Variants in ABI1 observed in about 807,000 individuals in gnomAD.
ABI1 encodes the protein Abelson interactor 1.
Under a neutral mutation model 54.6 loss-of-function variants are expected in ABI1, and 14 were observed. The ratio of observed to expected loss-of-function variants is 0.26; its 90% CI spans 0.17 to 0.40. The LOEUF (loss-of-function observed/expected upper bound fraction) is 0.40. ABI1 is among the 10% of genes least tolerant of loss of function. The pLI is 1.00. For missense variants in ABI1, 443 were observed against 598.3 expected (o/e 0.74, Z 2.71); for synonymous variants, 194 against 209.3 (o/e 0.93, Z 0.63).
chr10:26,794,722 TTTA>T (rs1371857395), intron 2 of ABI1, among the ~76,000 whole-genome samples: 2 of 152,092 alleles, frequency 1.3e-5, no homozygotes, highest in African/African-American at 4.8e-5. Context: ...ATGTTAGCTT[TTTA>T]TTATTATTAT....
chr10:26,850,325 T>C (rs977203142), intron 1 of ABI1, among the ~76,000 whole-genome samples: 2 of 152,236 alleles, frequency 1.3e-5, no homozygotes, highest in African/African-American at 2.4e-5. Flanking sequence ...TGCTCAGTTT[T>C]AGTTTTAGTA....
At chr10:26,819,628 C>T (rs2047834042) in intron 2 of ABI1, among the ~76,000 whole-genome samples, 1 of 152,134 alleles carries the variant, frequency 6.6e-6, no homozygotes, top group Admixed American at 6.5e-5. Flanking sequence ...ACACATTCTT[C>T]TCAAATGCAC....
At chr10:26,771,157 A>G (rs1457079917) in intron 3 of ABI1, 68 bp from the exon 4 acceptor site, 1 of 1,521,632 alleles carries the variant, frequency 6.6e-7, no homozygotes, top group African/African-American at 1.4e-5. Context: ...ATCCGATAGG[A>G]CAGGTTTACA....
At chr10:26,816,415 G>T (rs1465683576) in intron 2 of ABI1, among the ~76,000 whole-genome samples, 1 of 152,090 alleles carries the variant, frequency 6.6e-6, no homozygotes, top group African/African-American at 2.4e-5. Flanking sequence ...AAGGGAAGAA[G>T]ATACTACAGA....
Position 26,823,131 on chromosome 10 carries a change from C to T in ABI1, c.285+7G>A. 6 of 1,583,008 alleles carry T rather than the reference C, an allele frequency of 3.8e-6. No individual in the cohort carries two copies. Among genetic ancestry groups the T allele is most frequent in the Non-Finnish European group, 5.1e-6 (6 of 1,169,990 alleles). On this transcript the variant is annotated splice_region_variant and intron_variant, in intron 2 of 10. Transcript: ENST00000376140. ...AATTGAATTTAAAGCATTTTATAAG[C>T]TGTTACCTGTGAGATATGATTGATG... is the stretch of plus-strand genomic sequence containing the variant.
Position 26,777,594 on chromosome 10 carries a change from T to C in ABI1, c.286-353A>G, listed in dbSNP as rs184585404. Among the ~76,000 whole-genome samples the C allele has an allele frequency of 1.8e-3, 268 of 152,048 alleles. 4 individuals are homozygous for C. Among genetic ancestry groups the C allele is most frequent in the African/African-American group, 5.9e-3 (245 of 41,452 alleles). On this transcript the variant is annotated intron_variant, in intron 2 of 10. Transcript: ENST00000376140. ...GAGTTCAAGATCAGCCTGGGCAACA[T>C]GGCAAAACCCTGTCTCTACAAAAAG...
At chr10:26,803,084 A>G (rs2046664897) in intron 2 of ABI1, among the ~76,000 whole-genome samples, 1 of 152,232 alleles carries the variant, frequency 6.6e-6, no homozygotes, top group Non-Finnish European at 1.5e-5. Context: ...GACAATTAAG[A>G]CGAAGCCTAA....
At chr10:26,773,643 C>A (rs1172192057) in intron 3 of ABI1, among the ~76,000 whole-genome samples, 2 of 152,126 alleles carry the variant, frequency 1.3e-5, no homozygotes, top group African/African-American at 2.4e-5. Context: ...AGCCATTAGG[C>A]TGAGACCATT....
chr10:26,787,034 G>T (rs1041439279), intron 2 of ABI1, among the ~76,000 whole-genome samples: 1 of 152,106 alleles, frequency 6.6e-6, no homozygotes. Flanking sequence ...TTTACTTCAT[G>T]TTTAATTTTA....
intron 2 of ABI1, among the ~76,000 whole-genome samples, chr10:26,798,760 C>T (rs1465709346): frequency 2.6e-5 from 4 of 151,726 alleles, no homozygotes; most frequent in East Asian, 1.9e-4. Context: ...CCTGGACTGA[C>T]GGCATCCTAG....
chr10:26,810,722 A>AC (rs1410548348), intron 2 of ABI1, among the ~76,000 whole-genome samples: 1 of 152,058 alleles, frequency 6.6e-6, no homozygotes, highest in African/African-American at 2.4e-5. Context: ...CAGTTTACGG[A>AC]CCCCTGCACT....
chr10:26,850,030 A>T (rs1408760477), intron 1 of ABI1, among the ~76,000 whole-genome samples: 4 of 152,218 alleles, frequency 2.6e-5, no homozygotes, highest in Non-Finnish European at 5.9e-5. Flanking sequence ...ATCCACAATT[A>T]TGTGCACAGC....
intron 2 of ABI1, among the ~76,000 whole-genome samples, chr10:26,793,827 T>G (rs1564508575): frequency 1.3e-5 from 2 of 152,220 alleles, no homozygotes; most frequent in African/African-American, 4.8e-5. Flanking sequence ...ACCTAACAAC[T>G]AACATTTGTT....
Position 26,770,317 on chromosome 10 carries a change from C to A in ABI1, c.506G>T (p.Gly169Val). The A allele has an allele frequency of 1.2e-6, 2 of 1,613,950 alleles. No individual in the cohort carries two copies. The highest frequency in any genetic ancestry group is 1.7e-6 in the Non-Finnish European group (2 of 1,179,860). ...KHGNNQPARTGTLSRTNPPTQ... is the reference protein window; with the variant it reads ...KHGNNQPARTVTLSRTNPPTQ... Reference sequence around the variant, plus strand: ...AGGAGGATTTGTTCTCGACAGTGTGCCAGTTCTTGCAGGCTGGTTATTTCC... The same window carrying A: ...AGGAGGATTTGTTCTCGACAGTGTGACAGTTCTTGCAGGCTGGTTATTTCC... Residue 169 changes from glycine to valine, a missense_variant, in exon 5 of 11, where the codon GGC (glycine) becomes GTC (valine). Physicochemically the swap from Gly to Val is moderately radical, Grantham distance 109. This residue lies in a region of ABI1 where 394 missense variants were observed against 484.8 expected (regional missense o/e 0.81). Coordinates refer to ENST00000376140, the MANE Select transcript of ABI1 (RefSeq NM_001012750.3).
At chr10:26,751,547 T>G (rs760815058) in intron 10 of ABI1, 51 bp downstream of exon 10, 1 of 1,554,966 alleles carries the variant, frequency 6.4e-7, no homozygotes, top group Non-Finnish European at 8.7e-7. Flanking sequence ...AGTTCTAAAT[T>G]TCTACAATTA....
intron 1 of ABI1, chr10:26,839,751 G>C (rs2134039040): frequency 1.4e-6 from 1 of 701,360 alleles, no homozygotes; most frequent in South Asian, 1.5e-5. Flanking sequence ...AGGAGTTTGA[G>C]AGCAGACACA....
intron 2 of ABI1, among the ~76,000 whole-genome samples, chr10:26,778,171 G>A (rs1204609943): frequency 3.9e-5 from 6 of 152,156 alleles, no homozygotes; most frequent in South Asian, 4.2e-4. Flanking sequence ...AAGCAGCCTA[G>A]ACACCTGTTT....
chr10:26,784,820 T>C (rs530905747), intron 2 of ABI1, among the ~76,000 whole-genome samples: 19 of 152,300 alleles, frequency 1.2e-4, no homozygotes, highest in Non-Finnish European at 2.5e-4. Flanking sequence ...AAAATCACTA[T>C]CCAGGATTGT....
intron 2 of ABI1, among the ~76,000 whole-genome samples, chr10:26,820,133 A>G (rs560557546): frequency 6.6e-6 from 1 of 152,352 alleles, no homozygotes; most frequent in Admixed American, 6.5e-5. Flanking sequence ...ACTATAGTTA[A>G]TAATATAGGG....
Sources: allele counts gnomAD v4.1 joint callset (sites outside exome capture counted in the v4.1 genomes callset), GRCh38; gene constraint gnomAD v4.1.1; regional missense constraint gnomAD v4.1.1; transcripts MANE v1.5; gene names NCBI Gene and HGNC (gene_info 2026-07-23, HGNC 2026-07-21).